The following ANHX variants were observed in gnomAD, a reference collection of about 807,000 sequenced individuals.
The protein encoded by ANHX is anomalous homeobox.
In ANHX, 20 loss-of-function variants were observed where a neutral mutation model predicts 38.9. That is an observed-to-expected ratio of 0.51 (90% CI 0.36 to 0.75). The LOEUF is 0.75. Ranked by LOEUF, ANHX falls within the 30% of genes least tolerant of loss-of-function variation. The probability of loss-of-function intolerance (pLI) is 0.00; values close to 1 mark genes in which losing one functional copy is unlikely to be tolerated. For synonymous variants in ANHX, 185 were observed against 203.1 expected (o/e 0.91, Z 0.76); for missense variants, 475 against 493.1 (o/e 0.96, Z 0.35).
intron 4 of ANHX, 127 bp downstream of exon 4, chr12:133,227,697 G>A: frequency 9.3e-7 from 1 of 1,072,870 alleles, no homozygotes; most frequent in Non-Finnish European, 1.3e-6. Context: ...CTGTCCAGAG[G>A]AGGGGCTGAA....
Position 133,221,208 on chromosome 12 carries a change from T to C in ANHX, c.1277A>G (p.Gln426Arg). ...CCTGTGGCTCTTCAGGGCTTACCTCTGGGTGAGGATGAATTCAGGAGCTTG... is the reference window on the plus strand; with the variant it reads ...CCTGTGGCTCTTCAGGGCTTACCTCCGGGTGAGGATGAATTCAGGAGCTTG... The part of the protein sequence containing the change: ...PLQAPEFILT[Q>R]SPPELAPAPS... The change falls in exon 8 of 10, where the codon CAG (glutamine) becomes CGG (arginine). Residue 426 changes from glutamine to arginine, a missense_variant. By Grantham distance (43) the Gln-to-Arg change is conservative. Coordinates refer to ENST00000545940, the MANE Select transcript of ANHX (RefSeq NM_001372060.1). The surrounding 1 kb of genome is among the most constrained non-coding windows in gnomAD (Gnocchi z 4.1). 1 of 1,536,040 alleles carries C rather than the reference T, an allele frequency of 6.5e-7. No individual in the cohort carries two copies. The highest frequency in any genetic ancestry group is 8.7e-7 in the Non-Finnish European group (1 of 1,146,876).
intron 3 of ANHX, 69 bp downstream of exon 3, chr12:133,231,448 G>A (rs1259372308): frequency 6.6e-7 from 1 of 1,525,590 alleles, no homozygotes; most frequent in Non-Finnish European, 8.8e-7. Context: ...GCCCCTCTGG[G>A]CTTTGCATGG....
Position 133,219,293 on chromosome 12 carries a change from G to C in ANHX, c.1355C>G (p.Pro452Arg), listed in dbSNP as rs1306993643. 2 of 1,535,354 alleles carry C rather than the reference G, an allele frequency of 1.3e-6. No individual in the cohort carries two copies. Among genetic ancestry groups the C allele is most frequent in the African/African-American group, 1.4e-5 (1 of 73,146 alleles). Reference protein sequence around the residue: ...VSAMELSQALPSSQVQCSDSQ... With the variant: ...VSAMELSQALRSSQVQCSDSQ... ...ATAGGGAAGCCTCACCTGGCTGGAG[G>C]GCAGGGCCTGGCTCAGCTCCATGGC... The change falls in exon 9 of 10, where the codon CCC (proline) becomes CGC (arginine). Residue 452 changes from proline (P) to arginine (R), a missense_variant. Pro to Arg is a moderately radical substitution (Grantham distance 103, BLOSUM62 -2). Transcript: ENST00000545940.
At chr12:133,220,448 C>T (rs1434166113) in intron 8 of ANHX, among the ~76,000 whole-genome samples, 1 of 152,190 alleles carries the variant, frequency 6.6e-6, no homozygotes, top group Non-Finnish European at 1.5e-5. Flanking sequence ...TGTACATTTT[C>T]TCACAGTCAG....
chr12:133,229,956 C>T (rs767419370), intron 3 of ANHX, among the ~76,000 whole-genome samples: 17 of 152,174 alleles, frequency 1.1e-4, no homozygotes, highest in Non-Finnish European at 2.1e-4. Flanking sequence ...TTCCCAGAAA[C>T]TTCTGCTCAC....
rs1957281127 is a variant in ANHX, at chr12:133,231,714, C to T, written c.250-70G>A. ...GAGCACTGTTGGGACCTGCATCTGC[C>T]ATCCCAAACCGACTCAGCCTTGGGG... On this transcript the variant is annotated intron_variant, in intron 2 of 9. Coordinates refer to ENST00000545940, the MANE Select transcript of ANHX (RefSeq NM_001372060.1). The T allele has an allele frequency of 3.3e-6, 5 of 1,511,004 alleles. No individual in the cohort carries two copies. The Admixed American group carries it at 8.1e-5, about 25-fold the overall frequency. 93.6% of individuals were successfully genotyped at this position (1,511,004 alleles called of 1,614,324 possible).
At chr12:133,227,705 G>T in intron 4 of ANHX, 119 bp downstream of exon 4, 1 of 1,238,156 alleles carries the variant, frequency 8.1e-7, no homozygotes, top group African/African-American at 1.5e-5. Flanking sequence ...AGGAGGGGCT[G>T]AAACCACCAG....
intron 3 of ANHX, among the ~76,000 whole-genome samples, chr12:133,229,237 G>C (rs990044604): frequency 7.2e-5 from 11 of 152,176 alleles, no homozygotes; most frequent in Admixed American, 5.9e-4. Context: ...GACACTGGGG[G>C]TGTTCCAGCT....
At position 133,225,171 on chromosome 12, in the gene ANHX, G is replaced by C. The variant is rs772688743; in HGVS notation, c.1132+365C>G. On this transcript the variant is annotated intron_variant, in intron 7 of 9. Coordinates refer to ENST00000545940, the MANE Select transcript of ANHX (RefSeq NM_001372060.1). ...CATGGGATCTCTACTACAGGCTAAGGGGGGTGGACAAGCGGGGAGTCTAAG... is the reference window on the plus strand; with the variant it reads ...CATGGGATCTCTACTACAGGCTAAGCGGGGTGGACAAGCGGGGAGTCTAAG... 2.5e-4 allele frequency among the ~76,000 whole-genome samples: 38 copies of C among 152,134 alleles called. No individual in the cohort carries two copies. In the Middle Eastern group the frequency reaches 0.017, roughly 68 times the overall value.
chr12:133,219,226 G>A, intron 9 of ANHX, 57 bp downstream of exon 9: 1 of 1,437,722 alleles, frequency 7.0e-7, no homozygotes, highest in Non-Finnish European at 9.4e-7. Flanking sequence ...TCAGCACCAT[G>A]AGCTGCAGAT....
chr12:133,224,399 C>T (rs1338873429), intron 7 of ANHX, among the ~76,000 whole-genome samples: 12 of 152,170 alleles, frequency 7.9e-5, no homozygotes, highest in African/African-American at 2.4e-4. Flanking sequence ...TGGTGGCTCA[C>T]GCCTGTAATC....
chr12:133,234,428 C>T, intron 1 of ANHX, 50 bp from the exon 2 acceptor site: 2 of 1,485,324 alleles, frequency 1.3e-6, no homozygotes, highest in South Asian at 1.3e-5. Flanking sequence ...CACGTCCTTT[C>T]TGTCAGTCAA....
intron 7 of ANHX, among the ~76,000 whole-genome samples, 194 bp downstream of exon 7, chr12:133,225,342 C>A (rs947641724): frequency 2.0e-5 from 3 of 151,318 alleles, no homozygotes; most frequent in African/African-American, 2.4e-5. Context: ...CACACACACA[C>A]AATAAAACAG....
At position 133,221,147 on chromosome 12, in the gene ANHX, A is replaced by T; in HGVS notation, c.1280+58T>A. 1 of 1,524,134 alleles carries T rather than the reference A, an allele frequency of 6.6e-7. No individual in the cohort carries two copies. The highest frequency in any genetic ancestry group is 1.2e-5 in the South Asian group (1 of 82,720). The allele number at this position is 1,524,134 out of a possible 1,614,324, so 94.4% of individuals were successfully genotyped here. A position where few individuals can be genotyped will look rare whatever the true frequency, so the allele number is the denominator to read the frequency against. ...ACGGTGAGTCTATAAACTGGGCATTACCCTATCTTGTGGCCTGTGGAAAGG... is the reference window on the plus strand; with the variant it reads ...ACGGTGAGTCTATAAACTGGGCATTTCCCTATCTTGTGGCCTGTGGAAAGG... On this transcript the variant is annotated intron_variant, in intron 8 of 9. Coordinates refer to ENST00000545940, the MANE Select transcript of ANHX (RefSeq NM_001372060.1). The surrounding 1 kb of genome is among the most constrained non-coding windows in gnomAD (Gnocchi z 4.1).
intron 8 of ANHX, among the ~76,000 whole-genome samples, chr12:133,220,335 T>G (rs1957091814): frequency 6.6e-6 from 1 of 151,954 alleles, no homozygotes; most frequent in African/African-American, 2.4e-5. Context: ...GATGGCCATG[T>G]GGAGAGGTGA....
intron 7 of ANHX, among the ~76,000 whole-genome samples, chr12:133,223,794 A>G (rs1957146976): frequency 6.6e-6 from 1 of 152,036 alleles, no homozygotes; most frequent in African/African-American, 2.4e-5. Context: ...AGATGAAGTA[A>G]AAAGACCCAC....
intron 5 of ANHX, among the ~76,000 whole-genome samples, chr12:133,226,681 C>T (rs1019971664): frequency 2.6e-5 from 4 of 152,342 alleles, no homozygotes; most frequent in Admixed American, 2.0e-4. Context: ...TCTGGCCACA[C>T]GATGCCCTCC....
intron 5 of ANHX, among the ~76,000 whole-genome samples, chr12:133,226,655 A>T (rs1182900981): frequency 6.6e-6 from 1 of 151,928 alleles, no homozygotes; most frequent in African/African-American, 2.4e-5. Flanking sequence ...TCTCAAATTG[A>T]CTCACCAACT....
Position 133,234,202 on chromosome 12 carries a change from C to T in ANHX, c.155G>A (p.Arg52His), listed in dbSNP as rs748018873. Reference sequence around the variant, plus strand: ...ATCTGCGTTGTCCAGGAGATGCAGGCGGAGCTGGCTGTCCAGAATGGCTGT... The same window carrying T: ...ATCTGCGTTGTCCAGGAGATGCAGGTGGAGCTGGCTGTCCAGAATGGCTGT... ...LVTAILDSQL[R>H]LHLLDNADVA... is the part of the protein sequence containing the mutation. The change falls in exon 2 of 10, where the codon CGC becomes CAC. Residue 52 changes from arginine to histidine, a missense_variant. By Grantham distance (29) the Arg-to-His change is conservative. Coordinates refer to ENST00000545940, the MANE Select transcript of ANHX (RefSeq NM_001372060.1). The T allele has an allele frequency of 1.4e-4, 217 of 1,536,154 alleles. No individual in the cohort carries two copies. Among genetic ancestry groups the T allele is most frequent in the Admixed American group, 4.1e-4 (21 of 51,012 alleles).
Sources: gnomAD v4.1 joint callset for allele counts (sites outside exome capture counted in the v4.1 genomes callset) on GRCh38, gnomAD v4.1.1 for gene constraint, Gnocchi (gnomAD v3.1) non-coding constraint, MANE v1.5 for transcripts, NCBI Gene and HGNC (gene_info 2026-07-23, HGNC 2026-07-21) for gene names.